NHERF2: variants seen among roughly 807,000 people sequenced by gnomAD.
NHERF2 encodes the protein Na(+)/H(+) exchange regulatory cofactor NHE-RF2.
At chr16:2,034,247 C>T in the NHERF2 span, among the ~76,000 whole-genome samples, 4 of 152,178 alleles carry the variant, frequency 2.6e-5, no homozygotes, top group African/African-American at 9.7e-5. Context: ...TGTGTCTTTG[C>T]GGACTGGGCC....
the NHERF2 span, chr16:2,035,241 C>T: frequency 6.1e-5 from 13 of 214,684 alleles, no homozygotes; most frequent in Middle Eastern, 2.2e-3. Context: ...GCTCCCTTGG[C>T]GGGGCGGTCC....
chr16:2,032,059 G>A, the NHERF2 span, among the ~76,000 whole-genome samples: 2 of 145,822 alleles, frequency 1.4e-5, no homozygotes, highest in Non-Finnish European at 3.0e-5. This position sits in a 1 kb window ranked among gnomAD's most constrained non-coding sequence, Gnocchi z 4.0. Flanking sequence ...TCACTCTGTC[G>A]CCCAGGCTGG....
the NHERF2 span, chr16:2,035,481 C>G: frequency 2.0e-6 from 2 of 986,320 alleles, no homozygotes; most frequent in South Asian, 4.7e-5. Context: ...CCCGCCTGCA[C>G]AGTCTCCCCT....
chr16:2,033,578 C>A, the NHERF2 span: 2 of 881,066 alleles, frequency 2.3e-6, no homozygotes, highest in Non-Finnish European at 3.4e-6. Context: ...AGGGCTGGTG[C>A]GTCACCATCT....
chr16:2,030,005 TTCC>T, the NHERF2 span, among the ~76,000 whole-genome samples: 1 of 152,308 alleles, frequency 6.6e-6, no homozygotes, highest in Admixed American at 6.5e-5. Context: ...GCCTGGCCTG[TTCC>T]TCTTCTCCAG....
chr16:2,035,639 C>T, the NHERF2 span: 1 of 986,102 alleles, frequency 1.0e-6, no homozygotes, highest in Non-Finnish European at 1.2e-6. Flanking sequence ...GGTCATTGGG[C>T]CTGGCCTTGC....
At chr16:2,030,613 C>T in the NHERF2 span, among the ~76,000 whole-genome samples, 1 of 150,438 alleles carries the variant, frequency 6.6e-6, no homozygotes, top group East Asian at 1.9e-4. Context: ...CATGTTCTCT[C>T]CTACCTTTTT....
chr16:2,036,238 T>C, the NHERF2 span: 2 of 1,367,062 alleles, frequency 1.5e-6, no homozygotes, highest in Non-Finnish European at 2.0e-6. Flanking sequence ...CGGTACCGAG[T>C]TTGGGCAGTG....
chr16:2,031,591 T>G, the NHERF2 span, among the ~76,000 whole-genome samples: 3 of 152,094 alleles, frequency 2.0e-5, no homozygotes, highest in Non-Finnish European at 2.9e-5. Flanking sequence ...AGGGGCTTCC[T>G]CTGGGTGTAT....
chr16:2,036,201 G>A, the NHERF2 span: 5 of 1,011,772 alleles, frequency 4.9e-6, no homozygotes, highest in Non-Finnish European at 7.0e-6. Context: ...GTTTGCCACT[G>A]AGACCTGGGC....
the NHERF2 span, among the ~76,000 whole-genome samples, chr16:2,029,309 G>T: frequency 2.6e-5 from 4 of 151,384 alleles, no homozygotes; most frequent in East Asian, 5.8e-4. Context: ...TCCCAGCCCC[G>T]CCTGGAGAAG....
the NHERF2 span, among the ~76,000 whole-genome samples, chr16:2,031,139 G>C: frequency 2.0e-5 from 3 of 152,152 alleles, no homozygotes; most frequent in East Asian, 5.8e-4. Flanking sequence ...AGCTGAGCCC[G>C]GGGGGAGCGG....
chr16:2,035,441 A>G, the NHERF2 span: 6 of 985,120 alleles, frequency 6.1e-6, no homozygotes, highest in Non-Finnish European at 7.2e-6. Flanking sequence ...GGGAGGTAGG[A>G]GGTGAGGGAA....
chr16:2,033,299 G>A, the NHERF2 span: 10 of 1,532,632 alleles, frequency 6.5e-6, no homozygotes, highest in Non-Finnish European at 8.7e-6. Context: ...CGGCCAGAGA[G>A]TTCAGGCCAC....
At chr16:2,027,939 C>T in the NHERF2 span, among the ~76,000 whole-genome samples, 1 of 152,236 alleles carries the variant, frequency 6.6e-6, no homozygotes, top group African/African-American at 2.4e-5. Flanking sequence ...AGGCACTACT[C>T]CTCCTCAGAG....
At chr16:2,038,590 G>C in the NHERF2 span, 1 of 317,652 alleles carries the variant, frequency 3.1e-6, no homozygotes, top group Non-Finnish European at 6.0e-6. Flanking sequence ...GGGGACCTTG[G>C]GTAAGGCCAG....
the NHERF2 span, chr16:2,036,254 A>G: frequency 1.4e-6 from 2 of 1,459,578 alleles, no homozygotes; most frequent in African/African-American, 1.4e-5. Context: ...CAGTGGCGGC[A>G]CCACCGGGGA....
chr16:2,027,351 C>G, the NHERF2 span: 4 of 418,802 alleles, frequency 9.6e-6, no homozygotes, highest in Admixed American at 4.9e-5. Flanking sequence ...GGCAGCGGCC[C>G]GGCGCCTTCG....
the NHERF2 span, chr16:2,029,783 G>A: frequency 6.5e-7 from 1 of 1,549,816 alleles, no homozygotes; most frequent in South Asian, 1.2e-5. Context: ...TGGCAAGAAG[G>A]TATGGCGGGC....
Sources: gnomAD v4.1 joint callset for allele counts (sites outside exome capture counted in the v4.1 genomes callset) on GRCh38, gnomAD v4.1.1 for gene constraint, Gnocchi (gnomAD v3.1) non-coding constraint, MANE v1.5 for transcripts, NCBI Gene and HGNC (gene_info 2026-07-23, HGNC 2026-07-21) for gene names.